The following SYCP2 variants were observed in gnomAD, a reference collection of about 807,000 sequenced individuals.
SYCP2 encodes synaptonemal complex lateral element protein.
A neutral mutation model predicts 211.3 loss-of-function variants in SYCP2; 55 were observed. The ratio of observed to expected loss-of-function variants is 0.26; its 90% CI spans 0.21 to 0.33. The LOEUF is 0.33. Ranked by LOEUF, SYCP2 falls within the 10% of genes least tolerant of loss-of-function variation. The pLI, the probability that SYCP2 is intolerant of heterozygous loss-of-function variation, is 1.00. For synonymous variants in SYCP2, 570 were observed against 555.2 expected, an observed-to-expected ratio of 1.03 and a Z score of -0.37; for missense variants, 1,731 against 1,752.0, an observed-to-expected ratio of 0.99 and a Z score of 0.21.
At chr20:59,885,167 A>C (rs2145695666) in intron 26 of SYCP2, 1 of 152,216 alleles carries the variant, frequency 6.6e-6, no homozygotes, top group Middle Eastern at 3.4e-3. Context: ...GAAACAAGAC[A>C]ATCTTTTAAA....
intron 22 of SYCP2, 113 bp from the exon 23 acceptor site, chr20:59,892,814 T>C (rs1490225145): frequency 2.1e-6 from 2 of 940,150 alleles, no homozygotes; most frequent in Non-Finnish European, 3.0e-6. Context: ...GTGAAAATTA[T>C]GTGGAAATTT....
intron 26 of SYCP2, among the ~76,000 whole-genome samples, chr20:59,884,752 GAAGGTAAGCAA>G (rs1453844440): frequency 1.3e-5 from 2 of 151,910 alleles, no homozygotes; most frequent in African/African-American, 2.4e-5. Flanking sequence ...AGATGTTAAA[GAAGGTAAGCAA>G]AAGGCAGCAA....
intron 26 of SYCP2, among the ~76,000 whole-genome samples, chr20:59,882,653 A>G (rs1484211084): frequency 6.6e-6 from 1 of 152,170 alleles, no homozygotes; most frequent in Non-Finnish European, 1.5e-5. Flanking sequence ...ACTGGAGGCC[A>G]AAGTAAAGTG....
Position 59,911,964 on chromosome 20 carries a change from G to A in SYCP2, c.877-119C>T. ...AAGCTAGAAGGAGAGAGAAGAGAAA[G>A]AACAGACAAGTATAATATTTAGATA... On this transcript the variant is annotated intron_variant, in intron 13 of 44. Coordinates refer to ENST00000357552, the MANE Select transcript of SYCP2 (RefSeq NM_014258.4). The A allele has an allele frequency of 4.8e-5, 21 of 438,626 alleles. No homozygotes were observed. The South Asian group carries it at 4.9e-4, about 10-fold the overall frequency. The allele number at this position is 438,626 out of a possible 1,614,324, so 27.2% of individuals were successfully genotyped here. A position where few individuals can be genotyped will look rare whatever the true frequency, so the allele number is the denominator to read the frequency against.
intron 34 of SYCP2, among the ~76,000 whole-genome samples, chr20:59,874,542 C>A (rs1303328916): frequency 6.6e-6 from 1 of 151,992 alleles, no homozygotes; most frequent in Non-Finnish European, 1.5e-5. Context: ...AGGGCATGTA[C>A]ATCTATCTCC....
chr20:59,889,595 T>G (rs1398947817), intron 24 of SYCP2, among the ~76,000 whole-genome samples: 26 of 152,012 alleles, frequency 1.7e-4, no homozygotes, highest in Non-Finnish European at 3.7e-4. Flanking sequence ...ATTTACTATT[T>G]TAACCATTTT....
chr20:59,905,853 T>C (rs1248452696), intron 15 of SYCP2, among the ~76,000 whole-genome samples: 1 of 152,072 alleles, frequency 6.6e-6, no homozygotes, highest in Non-Finnish European at 1.5e-5. Context: ...CTATTCAACA[T>C]TGCACTGGAG....
At chr20:59,913,951 G>A (rs368706145) in intron 12 of SYCP2, 24 bp downstream of exon 12, 11 of 1,562,334 alleles carry the variant, frequency 7.0e-6, no homozygotes, top group Non-Finnish European at 7.8e-6. Context: ...GACAGTAAAT[G>A]GTTGTATCTT....
chr20:59,888,727 C>T (rs182115764), intron 24 of SYCP2, among the ~76,000 whole-genome samples: 1 of 151,984 alleles, frequency 6.6e-6, no homozygotes, highest in African/African-American at 2.4e-5. Flanking sequence ...TCACAAATGA[C>T]CTGTCTGTAG....
intron 8 of SYCP2, among the ~76,000 whole-genome samples, chr20:59,915,964 C>T (rs1483473857): frequency 2.0e-5 from 3 of 151,904 alleles, no homozygotes; most frequent in Admixed American, 6.6e-5. Flanking sequence ...TGCACTCCAG[C>T]CTAGGCAGAT....
chr20:59,888,584 C>G (rs958869790), intron 24 of SYCP2, among the ~76,000 whole-genome samples: 8 of 151,928 alleles, frequency 5.3e-5, no homozygotes, highest in Admixed American at 5.3e-4. Context: ...CTACTAAAAT[C>G]AGAAACAAAG....
At chr20:59,889,726 T>A (rs2059867032) in intron 24 of SYCP2, among the ~76,000 whole-genome samples, 1 of 152,062 alleles carries the variant, frequency 6.6e-6, no homozygotes, top group Non-Finnish European at 1.5e-5. Flanking sequence ...CAAAATACTG[T>A]ATGATTTCAG....
intron 20 of SYCP2, among the ~76,000 whole-genome samples, chr20:59,894,436 ATTTTC>A (rs975507707): frequency 2.6e-5 from 4 of 151,950 alleles, no homozygotes; most frequent in Non-Finnish European, 4.4e-5. Context: ...TACTTTGACT[ATTTTC>A]TTTTAATATC....
chr20:59,893,013 T>G, intron 22 of SYCP2, 129 bp downstream of exon 22: 2 of 699,706 alleles, frequency 2.9e-6, no homozygotes, highest in Non-Finnish European at 4.7e-6. Context: ...CCCATTGTGC[T>G]GTCATAACAC....
intron 2 of SYCP2, among the ~76,000 whole-genome samples, chr20:59,924,546 T>C (rs2060598194): frequency 6.6e-6 from 1 of 151,954 alleles, no homozygotes; most frequent in African/African-American, 2.4e-5. Context: ...TCATTTAACA[T>C]TGCGTGCCTG....
At chr20:59,913,368 A>G (rs1277378844) in intron 12 of SYCP2, among the ~76,000 whole-genome samples, 1 of 152,120 alleles carries the variant, frequency 6.6e-6, no homozygotes, top group East Asian at 1.9e-4. Flanking sequence ...AATACCGTTA[A>G]TTTCTTTAGT....
chr20:59,913,603 G>T (rs373530664), intron 12 of SYCP2, among the ~76,000 whole-genome samples: 1 of 152,080 alleles, frequency 6.6e-6, no homozygotes, highest in African/African-American at 2.4e-5. Context: ...TGAAGGAGAT[G>T]ATTCAAGTAA....
intron 2 of SYCP2, among the ~76,000 whole-genome samples, chr20:59,930,352 T>C (rs1345828170): frequency 6.6e-6 from 1 of 152,242 alleles, no homozygotes; most frequent in Non-Finnish European, 1.5e-5. Flanking sequence ...GCTAACATTT[T>C]AGTCTCTGCT....
chr20:59,879,860 T>C (rs367881050), intron 31 of SYCP2, among the ~76,000 whole-genome samples: 9,527 of 119,930 alleles, frequency 0.079, 362 homozygotes, highest in African/African-American at 0.1. Context: ...TATATATATA[T>C]ATACACACAC....
Sources: allele counts gnomAD v4.1 joint callset (sites outside exome capture counted in the v4.1 genomes callset), GRCh38; gene constraint gnomAD v4.1.1; transcripts MANE v1.5; gene names NCBI Gene and HGNC (gene_info 2026-07-23, HGNC 2026-07-21).